IL1RAPL2: variants seen among roughly 807,000 people sequenced by gnomAD.
The protein encoded by IL1RAPL2 is interleukin 1 receptor accessory protein like 2.
A neutral mutation model predicts 44.1 loss-of-function variants in IL1RAPL2; 3 were observed. That is an observed-to-expected ratio of 0.07 (90% CI 0.03 to 0.18). The LOEUF is 0.18. Among genes scored for constraint, IL1RAPL2 ranks in the 10% least tolerant of loss-of-function variants. IL1RAPL2 has a pLI of 1.00. For synonymous variants in IL1RAPL2, 181 were observed against 178.8 expected, an observed-to-expected ratio of 1.01 and a Z score of -0.10; for missense variants, 391 against 496.4, an observed-to-expected ratio of 0.79 and a Z score of 2.02.
At position 105,029,821 on chromosome X, in the gene IL1RAPL2, T is replaced by C. The variant is rs771927391; in HGVS notation, c.83-165654T>C. 4.4e-4 allele frequency among the ~76,000 whole-genome samples: 49 copies of C among 111,342 alleles called. No homozygotes were observed. In the South Asian group the frequency reaches 5.7e-3, roughly 13 times the overall value. On this transcript the variant is annotated intron_variant, in intron 2 of 10. Coordinates refer to ENST00000372582, the MANE Select transcript of IL1RAPL2 (RefSeq NM_017416.2). ...TTCTAGTTCTAGATCCCTGAGGAAT[T>C]GCCACACTGACTTCCACAATGGTTG...
intron 2 of IL1RAPL2, among the ~76,000 whole-genome samples, chrX:105,114,815 C>T (rs778402567): frequency 8.9e-6 from 1 of 111,953 alleles, no homozygotes; most frequent in South Asian, 3.8e-4. Flanking sequence ...TGAGGGATGA[C>T]TTGGAATTGC....
rs188044895 is a variant in IL1RAPL2 at position 105,000,086 on chromosome X, C to A, written c.83-195389C>A. Among the ~76,000 whole-genome samples, 8 of 110,787 alleles carry A rather than the reference C, an allele frequency of 7.2e-5. No homozygotes were observed. In the East Asian group the frequency reaches 2.3e-3, roughly 32 times the overall value. On this transcript the variant is annotated intron_variant, in intron 2 of 10. Coordinates refer to ENST00000372582, the MANE Select transcript of IL1RAPL2 (RefSeq NM_017416.2). ...TTCCTCTTTCATTTCCTTCTCAAAGCCTTTATAGATTCAATCCCTAGCAAA... is the reference window on the plus strand; with the variant it reads ...TTCCTCTTTCATTTCCTTCTCAAAGACTTTATAGATTCAATCCCTAGCAAA...
At chrX:105,583,699 T>C (rs1238736577) in intron 6 of IL1RAPL2, among the ~76,000 whole-genome samples, 2 of 112,009 alleles carry the variant, frequency 1.8e-5, no homozygotes, top group Non-Finnish European at 3.8e-5. Flanking sequence ...ATTTATCTTT[T>C]CAAAAATTTG....
chrX:105,616,152 T>C (rs1330980819), intron 6 of IL1RAPL2, among the ~76,000 whole-genome samples: 1 of 111,839 alleles, frequency 8.9e-6, no homozygotes, highest in Non-Finnish European at 1.9e-5. Flanking sequence ...CTAAAGTCTT[T>C]AGGAGCTAAA....
At chrX:104,644,761 C>T (rs1930001946) in intron 1 of IL1RAPL2, among the ~76,000 whole-genome samples, 1 of 111,038 alleles carries the variant, frequency 9.0e-6, no homozygotes, top group Non-Finnish European at 1.9e-5. Flanking sequence ...AAAAATTATT[C>T]TCTAACCTTC....
In IL1RAPL2 at chrX:105,419,489, C is replaced by T. The variant is rs375809378; in HGVS notation, c.698-64824C>T. Among the ~76,000 whole-genome samples, 34 of 111,737 alleles carry T rather than the reference C, an allele frequency of 3.0e-4. 1 individual carries two copies. The East Asian group carries it at 9.0e-3, about 30-fold the overall frequency. On this transcript the variant is annotated intron_variant, in intron 5 of 10. Transcript: ENST00000372582. ...CTATTTCCAGAAGGCTTTTTCAAAGCACGAATTCTACTGAATTGAGAATGG... is the reference window on the plus strand; with the variant it reads ...CTATTTCCAGAAGGCTTTTTCAAAGTACGAATTCTACTGAATTGAGAATGG...
chrX:104,934,490 C>G (rs1924982608), intron 2 of IL1RAPL2, among the ~76,000 whole-genome samples: 1 of 111,259 alleles, frequency 9.0e-6, no homozygotes, highest in Non-Finnish European at 1.9e-5. Context: ...AAAATCAGAT[C>G]AGTGAGAATG....
At chrX:105,735,088 T>C (rs892535710) in intron 7 of IL1RAPL2, among the ~76,000 whole-genome samples, 5 of 111,819 alleles carry the variant, frequency 4.5e-5, no homozygotes, top group Non-Finnish European at 9.4e-5. Context: ...ATTTTCAGTT[T>C]GTTCACTTTT....
intron 2 of IL1RAPL2, among the ~76,000 whole-genome samples, chrX:104,786,951 C>G (rs1456321091): frequency 1.0e-5 from 1 of 97,701 alleles, no homozygotes; most frequent in Non-Finnish European, 2.1e-5. Flanking sequence ...CTCTCTCTCT[C>G]TCTCTCTCTC....
chrX:105,640,654 GTATATATATATATATATATATA>G (rs768814568), intron 6 of IL1RAPL2, among the ~76,000 whole-genome samples: 180 of 59,475 alleles, frequency 3.0e-3, no homozygotes, highest in Non-Finnish European at 4.8e-3. Context: ...GTATGTGTGT[GTATATATATATATATATATATA>G]TATATATATA....
At chrX:105,077,700 T>A (rs1376498791) in intron 2 of IL1RAPL2, among the ~76,000 whole-genome samples, 1 of 111,965 alleles carries the variant, frequency 8.9e-6, no homozygotes, top group Middle Eastern at 4.2e-3. Flanking sequence ...ATAGATTTGG[T>A]CGTTTCACAT....
chrX:104,582,736 C>G, intron 1 of IL1RAPL2, among the ~76,000 whole-genome samples: 1 of 81,391 alleles, frequency 1.2e-5, no homozygotes, highest in African/African-American at 4.9e-5. Flanking sequence ...TCTCTCCCTT[C>G]CTTCCTTCCT....
chrX:105,173,920 A>G (rs2033448669), intron 2 of IL1RAPL2, among the ~76,000 whole-genome samples: 1 of 109,962 alleles, frequency 9.1e-6, no homozygotes, highest in South Asian at 3.9e-4. Flanking sequence ...TTTAGTGGAG[A>G]TGGGGTTTCA....
chrX:105,247,593 A>G (rs374058885), intron 4 of IL1RAPL2, among the ~76,000 whole-genome samples: 6 of 92,133 alleles, frequency 6.5e-5, no homozygotes, highest in South Asian at 5.6e-4. Context: ...GTGTGTGTGT[A>G]TATATATATA....
chrX:104,898,631 T>C (rs1923723126), intron 2 of IL1RAPL2, among the ~76,000 whole-genome samples: 1 of 112,467 alleles, frequency 8.9e-6, no homozygotes, highest in Non-Finnish European at 1.9e-5. Flanking sequence ...TCTTATTCCC[T>C]GCCAATTTTG....
At chrX:105,328,668 T>G (rs2034960873) in intron 5 of IL1RAPL2, among the ~76,000 whole-genome samples, 1 of 111,917 alleles carries the variant, frequency 8.9e-6, no homozygotes, top group South Asian at 3.7e-4. Flanking sequence ...TTTACAGTCA[T>G]GTGCTGCATA....
At chrX:104,892,664 C>A (rs752148583) in intron 2 of IL1RAPL2, among the ~76,000 whole-genome samples, 6 of 111,621 alleles carry the variant, frequency 5.4e-5, no homozygotes, top group Non-Finnish European at 1.1e-4. Flanking sequence ...TTTATTGCAT[C>A]TATCTGATTC....
At chrX:105,251,458 A>AT (rs756845931) in intron 4 of IL1RAPL2, among the ~76,000 whole-genome samples, 34 of 110,961 alleles carry the variant, frequency 3.1e-4, no homozygotes, top group Non-Finnish European at 5.3e-4. Context: ...TCCAGAAGGA[A>AT]TGAGTTGCAA....
intron 2 of IL1RAPL2, among the ~76,000 whole-genome samples, chrX:105,187,565 A>T (rs1366862800): frequency 8.9e-6 from 1 of 112,019 alleles, no homozygotes; most frequent in Non-Finnish European, 1.9e-5. Flanking sequence ...AAAGTAGAAA[A>T]TCTTGTTATT....
Sources: allele counts gnomAD v4.1 joint callset (sites outside exome capture counted in the v4.1 genomes callset), GRCh38; gene constraint gnomAD v4.1.1; transcripts MANE v1.5; gene names NCBI Gene and HGNC (gene_info 2026-07-23, HGNC 2026-07-21).